Variants in KCNN2 observed in about 807,000 individuals in gnomAD.
The protein encoded by KCNN2 is potassium calcium-activated channel subfamily N member 2.
Under a neutral mutation model 55.5 loss-of-function variants are expected in KCNN2, and 24 were observed. That is an observed-to-expected ratio of 0.43 (90% CI 0.31 to 0.61). The LOEUF (loss-of-function observed/expected upper bound fraction) is 0.61, where lower values mean the gene tolerates loss of function less well. Among genes scored for constraint, KCNN2 ranks in the 20% least tolerant of loss-of-function variants. KCNN2 has a pLI of 0.08. For synonymous variants in KCNN2, 431 were observed against 336.1 expected (o/e 1.28, Z -3.09); for missense variants, 754 against 853.6 (o/e 0.88, Z 1.45).
rs377005815 is a variant in KCNN2 at position 114,096,438 on chromosome 5, G to A, written c.-271+39938G>A. Among the ~76,000 whole-genome samples the A allele has an allele frequency of 5.3e-5, 8 of 152,158 alleles. No individual in the cohort carries two copies. In the South Asian group the frequency reaches 1.7e-3, roughly 32 times the overall value. ...TATTACATAATACAATTGAAATAAG[G>A]ACTTGCACTATCTAGATAGTGAAGA... On this transcript the variant is annotated intron_variant, in intron 1 of 10. Coordinates refer to the KCNN2 transcript ENST00000512097.
At chr5:114,273,177 T>G (rs145618349) in intron 2 of KCNN2, among the ~76,000 whole-genome samples, 12,362 of 152,188 alleles carry the variant, frequency 0.081, 621 homozygotes, top group African/African-American at 0.14. Context: ...ATTTCCAGCT[T>G]CATCCATGTC....
intron 2 of KCNN2, 28 bp downstream of exon 2, chr5:114,364,029 G>A (rs747447999): frequency 6.5e-7 from 1 of 1,531,688 alleles, no homozygotes; most frequent in African/African-American, 1.4e-5. Flanking sequence ...GTTTATGAAT[G>A]ACCCAAAGCC....
At chr5:114,140,762 CATTATTATTATTATT>C (rs61070958) in intron 1 of KCNN2, among the ~76,000 whole-genome samples, 13 of 139,908 alleles carry the variant, frequency 9.3e-5, no homozygotes, top group East Asian at 8.3e-4. Flanking sequence ...CTGTCATCCT[CATTATTATTATTATT>C]ATTATTATTA....
At chr5:114,334,470 G>GAT (rs1561575192) in intron 2 of KCNN2, among the ~76,000 whole-genome samples, 1 of 151,788 alleles carries the variant, frequency 6.6e-6, no homozygotes, top group African/African-American at 2.4e-5. Context: ...TGTATATATA[G>GAT]ATATATATAC....
chr5:114,158,422 G>A (rs1178369801), intron 1 of KCNN2, among the ~76,000 whole-genome samples: 2 of 152,176 alleles, frequency 1.3e-5, no homozygotes, highest in Middle Eastern at 6.8e-3. Context: ...AGTATAGTTT[G>A]AAGTCAGGTA....
intron 1 of KCNN2, among the ~76,000 whole-genome samples, chr5:114,100,961 C>G: frequency 6.6e-6 from 1 of 151,524 alleles, no homozygotes; most frequent in South Asian, 2.1e-4. Flanking sequence ...TTGTAGATCT[C>G]TTTTCAAAAT....
chr5:114,276,878 A>G (rs4522981), intron 2 of KCNN2, among the ~76,000 whole-genome samples: 136,518 of 152,138 alleles, frequency 0.9, 61,657 homozygotes, highest in Middle Eastern at 0.95. Context: ...TCCTGTCATT[A>G]TGGTGCTAGC....
intron 3 of KCNN2, among the ~76,000 whole-genome samples, chr5:114,453,123 C>G (rs912994355): frequency 2.0e-5 from 3 of 152,152 alleles, no homozygotes; most frequent in South Asian, 2.1e-4. Flanking sequence ...TGATTTACCA[C>G]TGAATTTGAA....
chr5:114,223,159 G>A (rs532255730), intron 2 of KCNN2, among the ~76,000 whole-genome samples: 5 of 152,138 alleles, frequency 3.3e-5, no homozygotes, highest in Non-Finnish European at 7.4e-5. Context: ...ATCAATACCT[G>A]GGCACAAATA....
intron 5 of KCNN2, among the ~76,000 whole-genome samples, chr5:114,486,275 C>T (rs1333859381): frequency 6.6e-6 from 1 of 152,166 alleles, no homozygotes; most frequent in Non-Finnish European, 1.5e-5. Context: ...CATCAGATCC[C>T]ATAGTGTGAG....
At chr5:114,203,764 A>C (rs1399671249) in intron 1 of KCNN2, among the ~76,000 whole-genome samples, 1 of 152,222 alleles carries the variant, frequency 6.6e-6, no homozygotes, top group Non-Finnish European at 1.5e-5. Context: ...ATGGACTCAG[A>C]CTTCAAGGAA....
chr5:114,360,384 A>G (rs1757381563), upstream of KCNN2, among the ~76,000 whole-genome samples: 1 of 152,228 alleles, frequency 6.6e-6, no homozygotes. Flanking sequence ...GATCCAGCTG[A>G]GAATTCCAAT....
chr5:114,084,045 A>C (rs2416363), intron 1 of KCNN2, among the ~76,000 whole-genome samples: 45,570 of 151,892 alleles, frequency 0.3, 7,071 homozygotes, highest in Middle Eastern at 0.38. Flanking sequence ...AATTCATTGT[A>C]TGGATGTACC....
chr5:114,119,556 C>T (rs1751785317), intron 1 of KCNN2, among the ~76,000 whole-genome samples: 1 of 152,056 alleles, frequency 6.6e-6, no homozygotes, highest in African/African-American at 2.4e-5. Flanking sequence ...ATCGCAGGCC[C>T]CTTCTATTTT....
chr5:114,418,017 A>T (rs1288928798), intron 3 of KCNN2, among the ~76,000 whole-genome samples: 4 of 152,168 alleles, frequency 2.6e-5, no homozygotes, highest in African/African-American at 9.7e-5. Flanking sequence ...TTCTGCACAG[A>T]TGTGTACCTA....
chr5:114,244,413 T>C (rs1025886295), intron 2 of KCNN2, among the ~76,000 whole-genome samples: 5 of 151,924 alleles, frequency 3.3e-5, no homozygotes, highest in East Asian at 3.9e-4. Context: ...CTGGCCAATA[T>C]AGTGAAACCT....
At chr5:114,325,735 C>A (rs993999845) in intron 2 of KCNN2, among the ~76,000 whole-genome samples, 2 of 152,148 alleles carry the variant, frequency 1.3e-5, no homozygotes, top group Non-Finnish European at 2.9e-5. Flanking sequence ...AGGAGAGAAA[C>A]AGGAAGCAGA....
chr5:114,397,794 CATTTTT>C lies in KCNN2; in HGVS notation c.1219-6643_1219-6638del, dbSNP rs578090603. On this transcript the variant is annotated intron_variant, in intron 2 of 7. Coordinates refer to ENST00000673685, the MANE Select transcript of KCNN2 (RefSeq NM_021614.4). ...TTCTCTGATGATTAGTGATGATGAACATTTTTTCATATGCTTGTTGGCTGCATGTAT... is the reference window on the plus strand; with the variant it reads ...TTCTCTGATGATTAGTGATGATGAACTCATATGCTTGTTGGCTGCATGTAT... 5.3e-4 allele frequency among the ~76,000 whole-genome samples: 81 copies of C among 152,244 alleles called. No individual in the cohort carries two copies. The South Asian group carries it at 9.3e-3, about 18-fold the overall frequency.
chr5:114,178,078 C>G (rs185045957), intron 1 of KCNN2, among the ~76,000 whole-genome samples: 1 of 152,120 alleles, frequency 6.6e-6, no homozygotes, highest in Non-Finnish European at 1.5e-5. Flanking sequence ...TCTTCCTATT[C>G]ACTGCCTATT....
Sources: gnomAD v4.1 joint callset for allele counts (sites outside exome capture counted in the v4.1 genomes callset) on GRCh38, gnomAD v4.1.1 for gene constraint, MANE v1.5 for transcripts, NCBI Gene and HGNC (gene_info 2026-07-23, HGNC 2026-07-21) for gene names.